Variants in ARNT2 observed in about 807,000 individuals in gnomAD.
ARNT2 encodes the protein aryl hydrocarbon receptor nuclear translocator 2, also known as ARNT protein 2.
ARNT2 carries 36 observed loss-of-function variants against 91.7 expected under a neutral mutation model. That is an observed-to-expected ratio of 0.39 (90% CI 0.30 to 0.52). The LOEUF (loss-of-function observed/expected upper bound fraction) is 0.52, where lower values mean the gene tolerates loss of function less well. Among genes scored for constraint, ARNT2 ranks in the 20% least tolerant of loss-of-function variants. The pLI is 0.72. For synonymous variants in ARNT2, 365 were observed against 347.1 expected, an observed-to-expected ratio of 1.05 and a Z score of -0.57; for missense variants, 775 against 939.3, an observed-to-expected ratio of 0.83 and a Z score of 2.29.
chr15:80,555,360 A>C, intron 11 of ARNT2: 1 of 508,886 alleles, frequency 2.0e-6, no homozygotes, highest in Non-Finnish European at 3.5e-6. Flanking sequence ...CTAAAGGGTC[A>C]TGAAGAAAAA....
chr15:80,583,910 G>A (rs1898843380), intron 17 of ARNT2, among the ~76,000 whole-genome samples: 1 of 152,208 alleles, frequency 6.6e-6, no homozygotes, highest in Non-Finnish European at 1.5e-5. Context: ...CATGAGAAAG[G>A]GGCTGGAACC....
chr15:80,513,768 C>T (rs1025071973), intron 6 of ARNT2, 143 bp from the exon 7 acceptor site: 6 of 617,040 alleles, frequency 9.7e-6, no homozygotes, highest in Admixed American at 2.8e-5. Context: ...TCTGCTTCTG[C>T]ACTTTTGAAG....
In ARNT2 at chr15:80,406,194, G is replaced by C. The variant is rs1313926530; in HGVS notation, c.31+1648G>C. 2.0e-5 allele frequency among the ~76,000 whole-genome samples: 3 copies of C among 152,272 alleles called. No individual in the cohort carries two copies. The East Asian group carries it at 5.8e-4, about 29-fold the overall frequency. Reference sequence around the variant, plus strand: ...GGAGGAGGCCAAGGAGAGACAAAGGGGAGGTGTCCATGGAGACACCAAGGT... The same window carrying C: ...GGAGGAGGCCAAGGAGAGACAAAGGCGAGGTGTCCATGGAGACACCAAGGT... On this transcript the variant is annotated intron_variant, in intron 1 of 18. Coordinates refer to ENST00000303329, the MANE Select transcript of ARNT2 (RefSeq NM_014862.4).
chr15:80,529,382 G>A (rs1022650118), intron 8 of ARNT2, among the ~76,000 whole-genome samples: 9 of 152,170 alleles, frequency 5.9e-5, no homozygotes, highest in Admixed American at 6.5e-5. Flanking sequence ...CATAGTGGGG[G>A]ATCCATTTCT....
intron 1 of ARNT2, among the ~76,000 whole-genome samples, chr15:80,438,925 G>A (rs1964465): frequency 0.23 from 35,411 of 152,112 alleles, 4,901 homozygotes; most frequent in African/African-American, 0.39. Flanking sequence ...TCGTGACCTC[G>A]TGATCCGCCC....
intron 18 of ARNT2, among the ~76,000 whole-genome samples, chr15:80,592,011 G>C (rs573589485): frequency 6.6e-6 from 1 of 152,114 alleles, no homozygotes; most frequent in Non-Finnish European, 1.5e-5. Flanking sequence ...AGGCCAAAGG[G>C]GGTCTCTCCT....
At chr15:80,483,378 G>C (rs1225275171) in intron 5 of ARNT2, among the ~76,000 whole-genome samples, 2 of 152,232 alleles carry the variant, frequency 1.3e-5, no homozygotes, top group Non-Finnish European at 2.9e-5. Context: ...TGAAGTGATG[G>C]GATCTGCCTG....
Position 80,470,439 on chromosome 15 carries a change from G to A in ARNT2, c.408+8G>A. 3 of 1,613,532 alleles carry A rather than the reference G, an allele frequency of 1.9e-6. No homozygotes were observed. Among genetic ancestry groups the A allele is most frequent in the Non-Finnish European group, 8.5e-7 (1 of 1,179,574 alleles). ...TCCTTCCTCACAGAGCAGGTACCCTGGTCATCACATCACCATTGGAAAGCG... is the reference window on the plus strand; with the variant it reads ...TCCTTCCTCACAGAGCAGGTACCCTAGTCATCACATCACCATTGGAAAGCG... On this transcript the variant is annotated splice_region_variant and intron_variant, in intron 4 of 18. Transcript: ENST00000303329.
chr15:80,523,266 G>A (rs1198746565), intron 8 of ARNT2, among the ~76,000 whole-genome samples: 1 of 152,232 alleles, frequency 6.6e-6, no homozygotes, highest in Non-Finnish European at 1.5e-5. Flanking sequence ...CACCGAGCAT[G>A]TGTGCTGGCT....
intron 3 of ARNT2, 148 bp downstream of exon 3, chr15:80,458,124 A>C: frequency 1.3e-6 from 1 of 780,132 alleles, no homozygotes; most frequent in South Asian, 1.9e-5. Context: ...TATTTGGCCC[A>C]GTGGCAGCTA....
chr15:80,552,743 G>A lies in ARNT2; in HGVS notation c.1058G>A (p.Arg353Lys). 1 of 1,614,122 alleles carries A rather than the reference G, an allele frequency of 6.2e-7. No individual in the cohort carries two copies. The highest frequency in any genetic ancestry group is 8.5e-7 in the Non-Finnish European group (1 of 1,179,982). ...SDGIITFVDPRCISVIGYQPQ... is the reference protein window; with the variant it reads ...SDGIITFVDPKCISVIGYQPQ... ...GGAATCATCACATTTGTGGATCCAA[G>A]ATGTATCAGTGTGATTGGCTACCAA... Residue 353 changes from arginine (R) to lysine (K), a missense_variant, in exon 10 of 19, where the codon AGA becomes AAA. This residue lies in a region of ARNT2 where 285 missense variants were observed against 327.2 expected (regional missense o/e 0.87). Coordinates refer to ENST00000303329, the MANE Select transcript of ARNT2 (RefSeq NM_014862.4).
At chr15:80,459,116 G>C (rs529650100) in intron 3 of ARNT2, among the ~76,000 whole-genome samples, 1 of 152,186 alleles carries the variant, frequency 6.6e-6, no homozygotes, top group Non-Finnish European at 1.5e-5. Flanking sequence ...GATTCCCAGA[G>C]TCTCCAAGTC....
chr15:80,493,829 A>G (rs1003677940), intron 5 of ARNT2, among the ~76,000 whole-genome samples: 4 of 152,204 alleles, frequency 2.6e-5, no homozygotes, highest in African/African-American at 9.6e-5. Context: ...TATTCGGATC[A>G]TGAGGGCAGA....
At chr15:80,482,033 C>T (rs1283210546) in intron 5 of ARNT2, among the ~76,000 whole-genome samples, 7 of 152,188 alleles carry the variant, frequency 4.6e-5, no homozygotes, top group African/African-American at 1.7e-4. Flanking sequence ...CTCAGCTTCC[C>T]AAGTAGGTGA....
chr15:80,500,329 T>C (rs1454008198), intron 5 of ARNT2, among the ~76,000 whole-genome samples: 1 of 152,238 alleles, frequency 6.6e-6, no homozygotes, highest in African/African-American at 2.4e-5. Flanking sequence ...CATCAAATAT[T>C]GTCCTTCATG....
chr15:80,482,661 G>C (rs1029144253), intron 5 of ARNT2, among the ~76,000 whole-genome samples: 2 of 152,220 alleles, frequency 1.3e-5, no homozygotes, highest in African/African-American at 4.8e-5. Flanking sequence ...CATATGAGTG[G>C]TGAATGGCAT....
At chr15:80,425,786 G>A (rs768755868) in intron 1 of ARNT2, among the ~76,000 whole-genome samples, 5 of 152,026 alleles carry the variant, frequency 3.3e-5, no homozygotes, top group Non-Finnish European at 7.4e-5. Context: ...AGTAGCTCAT[G>A]CCTATAATCC....
chr15:80,508,665 C>G (rs767927286), intron 6 of ARNT2, among the ~76,000 whole-genome samples: 2 of 152,174 alleles, frequency 1.3e-5, no homozygotes, highest in Non-Finnish European at 2.9e-5. Flanking sequence ...TTTACTTGGT[C>G]TCTATGATAT....
intron 12 of ARNT2, chr15:80,573,925 A>G: frequency 1.8e-6 from 1 of 546,266 alleles, no homozygotes; most frequent in Non-Finnish European, 3.3e-6. Flanking sequence ...CACACGTCAA[A>G]ATTGGTTTCT....
Sources: gnomAD v4.1 joint callset for allele counts (sites outside exome capture counted in the v4.1 genomes callset) on GRCh38, gnomAD v4.1.1 for gene constraint, gnomAD v4.1.1 regional missense constraint, MANE v1.5 for transcripts, NCBI Gene and HGNC (gene_info 2026-07-23, HGNC 2026-07-21) for gene names.